Variants in PLXNB1 observed in about 807,000 individuals in gnomAD.
PLXNB1 encodes plexin-B1.
PLXNB1 carries 106 observed loss-of-function variants against 209.4 expected under a neutral mutation model. The observed-to-expected ratio is 0.51, with a 90% CI of 0.43 to 0.59. The LOEUF (loss-of-function observed/expected upper bound fraction) is 0.59. PLXNB1 is among the 20% of genes least tolerant of loss of function. PLXNB1 has a pLI of 0.00. For synonymous variants in PLXNB1, 1,167 were observed against 1,183.2 expected, an observed-to-expected ratio of 0.99 and a Z score of 0.28; for missense variants, 2,357 against 2,853.2, an observed-to-expected ratio of 0.83 and a Z score of 3.96.
chr3:48,418,839 T>TGCAGCCAGCTACAGTTG lies in PLXNB1; in HGVS notation c.2955+61_2955+77dup. The stretch of plus-strand genomic sequence containing the variant: ...CAGAGCGTGGCTCTGGAAAGTGTGG[T>TGCAGCCAGCTACAGTTG]GCAGCCAGCTACAGTTGGCAGCCAG... On this transcript the variant is annotated intron_variant, in intron 13 of 37. Transcript: ENST00000296440. This position sits in a 1 kb window ranked among gnomAD's most constrained non-coding sequence, Gnocchi z 6.6. 3 of 1,567,820 alleles carry TGCAGCCAGCTACAGTTG rather than the reference T, an allele frequency of 1.9e-6. No individual in the cohort carries two copies. Among genetic ancestry groups the TGCAGCCAGCTACAGTTG allele is most frequent in the Non-Finnish European group, 2.6e-6 (3 of 1,145,324 alleles).
Position 48,409,404 on chromosome 3 carries a change from G to C in PLXNB1, c.6012C>G (p.Asn2004Lys). ...CAATGACAAGGAGCACCGCATCCAT[G>C]TTATCAGATGTTTGCACGTCGAACA... is the stretch of plus-strand genomic sequence containing the variant. ...QFVFDVQTSD[N>K]MDAVLLVIAQ... Residue 2004 changes from asparagine (N) to lysine (K), a missense_variant, in exon 34 of 38, where the codon AAC (asparagine) becomes AAG (lysine). Physicochemically the swap from Asn to Lys is moderately conservative, Grantham distance 94. Transcript: ENST00000296440. The surrounding 1 kb of genome is among the most constrained non-coding windows in gnomAD (Gnocchi z 5.8). 2 of 1,614,174 alleles carry C rather than the reference G, an allele frequency of 1.2e-6. No individual in the cohort carries two copies. Among genetic ancestry groups the C allele is most frequent in the Non-Finnish European group, 1.7e-6 (2 of 1,180,020 alleles).
Position 48,406,581 on chromosome 3 carries a change from G to C in PLXNB1, c.6228+242C>G. 1 of 1,341,408 alleles carries C rather than the reference G, an allele frequency of 7.5e-7. No individual in the cohort carries two copies. The highest frequency in any genetic ancestry group is 9.5e-7 in the Non-Finnish European group (1 of 1,048,048). 83.1% of individuals were successfully genotyped at this position (1,341,408 alleles called of 1,614,324 possible). The stretch of plus-strand genomic sequence containing the variant: ...AATCCCAGCTACCTTGCAAGAGCCT[G>C]GCTGAATCAGGGTACATGGCAGCTG... On this transcript the variant is annotated intron_variant, in intron 36 of 37. Coordinates refer to ENST00000296440, the MANE Select transcript of PLXNB1 (RefSeq NM_001130082.3). This position sits in a 1 kb window ranked among gnomAD's most constrained non-coding sequence, Gnocchi z 4.4.
chr3:48,408,247 C>T (rs2106740450), intron 34 of PLXNB1, among the ~76,000 whole-genome samples: 1 of 152,242 alleles, frequency 6.6e-6, no homozygotes. Flanking sequence ...CTGAGCTCCT[C>T]AGGCGATCTG....
At chr3:48,407,171 T>A in intron 34 of PLXNB1, 80 bp from the exon 35 acceptor site, 1 of 1,276,762 alleles carries the variant, frequency 7.8e-7, no homozygotes, top group Non-Finnish European at 1.1e-6. Flanking sequence ...TGTCCTGGGT[T>A]TCCCAGTACT....
chr3:48,412,655 TAGGGGGAC>T lies in PLXNB1; in HGVS notation c.4855-43_4855-36del, dbSNP rs753872080. 9.9e-6 allele frequency: 16 copies of T among 1,609,474 alleles called. 1 individual carries two copies. In the Admixed American group the frequency reaches 1.3e-4, roughly 13 times the overall value. On this transcript the variant is annotated intron_variant, in intron 25 of 37. Coordinates refer to ENST00000296440, the MANE Select transcript of PLXNB1 (RefSeq NM_001130082.3). The stretch of plus-strand genomic sequence containing the variant: ...AAGAGAAGGGATGGGAAAAGGGGTT[TAGGGGGAC>T]AGAGGGGCGGGCTCAGAAACCATGC...
At chr3:48,422,081 C>T (rs1450271712) in intron 6 of PLXNB1, 24 bp downstream of exon 6, 1 of 1,591,280 alleles carries the variant, frequency 6.3e-7, no homozygotes, top group African/African-American at 1.3e-5. Flanking sequence ...GAGGCTGGGG[C>T]TGGGATGGGG....
chr3:48,423,640 G>A lies in PLXNB1; in HGVS notation c.972C>T (p.Phe324=). The A allele has an allele frequency of 1.9e-6, 3 of 1,614,196 alleles. No homozygotes were observed. The highest frequency in any genetic ancestry group is 2.5e-6 in the Non-Finnish European group (3 of 1,180,022). ...GASGASALCA[F]PLDEVDRLAN... ...CAAGCCGGTCCACCTCATCCAGGGG[G>A]AAGGCACAGAGGGCAGAGGCTCCAG... is the stretch of plus-strand genomic sequence containing the variant. The change falls in exon 3 of 38, where the codon TTC becomes TTT. Residue 324 remains phenylalanine (F), a synonymous_variant. Transcript: ENST00000296440.
chr3:48,417,855 G>A lies in PLXNB1; in HGVS notation c.3374+56C>T, dbSNP rs948223306. The A allele has an allele frequency of 8.4e-6, 13 of 1,549,274 alleles. No homozygotes were observed. Among genetic ancestry groups the A allele is most frequent in the Admixed American group, 3.6e-5 (2 of 54,796 alleles). On this transcript the variant is annotated intron_variant, in intron 16 of 37. Transcript: ENST00000296440. The surrounding 1 kb of genome is among the most constrained non-coding windows in gnomAD (Gnocchi z 4.4). ...TGGGTGGGAGGCCCCAAGCAGCAAC[G>A]CCAACCGCGGAGGCCCCAGGCTGCG... is the stretch of plus-strand genomic sequence containing the variant.
Position 48,414,784 on chromosome 3 carries a change from A to C in PLXNB1, c.4209+15T>G. 1.2e-6 allele frequency: 2 copies of C among 1,609,896 alleles called. No individual in the cohort carries two copies. The highest frequency in any genetic ancestry group is 1.7e-6 in the Non-Finnish European group (2 of 1,176,990). On this transcript the variant is annotated intron_variant, in intron 21 of 37. Coordinates refer to ENST00000296440, the MANE Select transcript of PLXNB1 (RefSeq NM_001130082.3). The stretch of plus-strand genomic sequence containing the variant: ...AGGGTCTCGGGGCCCTGCCAGGTCC[A>C]AGTAGGAGCTGTACCTCCACGGAGA...
chr3:48,404,740 G>A (rs898450244), intron 37 of PLXNB1, 150 bp from the exon 38 acceptor site: 8 of 585,720 alleles, frequency 1.4e-5, no homozygotes, highest in Middle Eastern at 5.2e-4. Context: ...TGGGACCTCA[G>A]GGCCTCGCTG....
At chr3:48,425,096 G>A (rs1262228688) in intron 2 of PLXNB1, among the ~76,000 whole-genome samples, 185 bp downstream of exon 2, 3 of 152,234 alleles carry the variant, frequency 2.0e-5, no homozygotes, top group African/African-American at 7.2e-5. Flanking sequence ...ACAAGAGTTG[G>A]GTGCAGGGCC....
rs2038394780 is a variant in PLXNB1, at chr3:48,420,016, T to G, written c.2270A>C (p.Glu757Ala). 2 of 1,606,344 alleles carry G rather than the reference T, an allele frequency of 1.2e-6. No homozygotes were observed. Among genetic ancestry groups the G allele is most frequent in the South Asian group, 2.2e-5 (2 of 90,430 alleles). ...TTGGGGGCTGGGAGGGGAGGGCTCC[T>G]CATGGAGAGGCGACCCTGTGGAGCC... Reference protein sequence around the residue: ...SPGSTGSPLHEEPSPPSPQNG... With the variant: ...SPGSTGSPLHAEPSPPSPQNG... Residue 757 changes from glutamate to alanine, a missense_variant, in exon 11 of 38, where the codon GAG (glutamate) becomes GCG (alanine). By Grantham distance (107) the Glu-to-Ala change is moderately radical. Transcript: ENST00000296440.
chr3:48,416,275 CAGATGGGTTG>C lies in PLXNB1; in HGVS notation c.3480+61_3480+70del. 6.4e-7 allele frequency: 1 copy of C among 1,556,612 alleles called. No individual in the cohort carries two copies. The highest frequency in any genetic ancestry group is 8.8e-7 in the Non-Finnish European group (1 of 1,135,296). ...ACTGGGAGCCCCACCAAGGAATAAC[CAGATGGGTTG>C]AGAGGAGCCACCAGAGAGGTTGGCC... On this transcript the variant is annotated intron_variant, in intron 17 of 37. Transcript: ENST00000296440. This position sits in a 1 kb window ranked among gnomAD's most constrained non-coding sequence, Gnocchi z 4.1.
At chr3:48,421,170 A>G (rs1247103348) in intron 8 of PLXNB1, 58 bp downstream of exon 8, 17 of 1,569,288 alleles carry the variant, frequency 1.1e-5, no homozygotes, top group Middle Eastern at 2.1e-4. Flanking sequence ...CTTTAACCCC[A>G]CCGCATCCCC....
Position 48,419,513 on chromosome 3 carries a change from A to C in PLXNB1, c.2709+64T>G. On this transcript the variant is annotated intron_variant, in intron 11 of 37. Coordinates refer to ENST00000296440, the MANE Select transcript of PLXNB1 (RefSeq NM_001130082.3). The surrounding 1 kb of genome is among the most constrained non-coding windows in gnomAD (Gnocchi z 5.7). The stretch of plus-strand genomic sequence containing the variant: ...CCTCCCAGTGCAGAATCACAAGGCA[A>C]GCTAGGGGTAGCATCTTCCCCACAT... The C allele has an allele frequency of 6.6e-7, 1 of 1,526,442 alleles. No individual in the cohort carries two copies. The allele number at this position is 1,526,442 out of a possible 1,614,324, so 94.6% of individuals were successfully genotyped here.
In PLXNB1 at chr3:48,416,072, C is replaced by T. The variant is rs2038075612; in HGVS notation, c.3576G>A (p.Leu1192=). 1.2e-6 allele frequency: 2 copies of T among 1,602,104 alleles called. No individual in the cohort carries two copies. The highest frequency in any genetic ancestry group is 1.7e-6 in the Non-Finnish European group (2 of 1,174,658). The part of the protein sequence containing the change: ...LNGSKLLTGR[L]EDIRVVVGDQ... ...CTCCAACCACCACTCGGATGTCCTCCAGCCGCCCAGTCAGGAGCTTGGAGC... is the reference window on the plus strand; with the variant it reads ...CTCCAACCACCACTCGGATGTCCTCTAGCCGCCCAGTCAGGAGCTTGGAGC... Residue 1192 remains leucine, a synonymous_variant, in exon 18 of 38, where the codon CTG becomes CTA. Transcript: ENST00000296440. This position sits in a 1 kb window ranked among gnomAD's most constrained non-coding sequence, Gnocchi z 4.1.
In PLXNB1 at chr3:48,415,360, G is replaced by A. The variant is rs7652762; in HGVS notation, c.3795-13C>T. 0.023 allele frequency: 37,135 copies of A among 1,609,922 alleles called. 5,145 individuals carry two copies. The African/African-American group carries it at 0.36, about 16-fold the overall frequency. ...CTCACGTCCTCCACTGAAACAGACC[G>A]TGAGCTTACGTAACGTAAGATGGCT... On this transcript the variant is annotated splice_polypyrimidine_tract_variant and intron_variant, in intron 19 of 37. Coordinates refer to ENST00000296440, the MANE Select transcript of PLXNB1 (RefSeq NM_001130082.3). This position sits in a 1 kb window ranked among gnomAD's most constrained non-coding sequence, Gnocchi z 5.0.
intron 3 of PLXNB1, 130 bp downstream of exon 3, chr3:48,423,375 A>T: frequency 9.9e-7 from 1 of 1,005,310 alleles, no homozygotes; most frequent in Non-Finnish European, 1.5e-6. Context: ...GGAAGCACTT[A>T]ATATTTGCTG....
In PLXNB1 at chr3:48,412,766, G is replaced by A. The variant is rs559217480; in HGVS notation, c.4830C>T (p.Leu1610=). The A allele has an allele frequency of 2.5e-6, 4 of 1,613,220 alleles. No homozygotes were observed. The highest frequency in any genetic ancestry group is 2.2e-5 in the East Asian group (1 of 44,848). The change falls in exon 25 of 38, where the codon CTC becomes CTT. Residue 1610 remains leucine (L), a synonymous_variant. Coordinates refer to ENST00000296440, the MANE Select transcript of PLXNB1 (RefSeq NM_001130082.3). ...EQGLGQLSNL[L]NSKLFLTKFI... is the part of the protein sequence containing the mutation. ...CCTTGGTGAGGAAGAGCTTGCTGTT[G>A]AGCAGGTTAGAGAGCTGCCCCAGCC...
Sources: allele counts gnomAD v4.1 joint callset (sites outside exome capture counted in the v4.1 genomes callset), GRCh38; gene constraint gnomAD v4.1.1; non-coding constraint Gnocchi (gnomAD v3.1); transcripts MANE v1.5; gene names NCBI Gene and HGNC (gene_info 2026-07-23, HGNC 2026-07-21).